Variants in CNTN6 observed in about 807,000 individuals in gnomAD.
CNTN6 encodes contactin-6.
Under a neutral mutation model 122.8 loss-of-function variants are expected in CNTN6, and 137 were observed. The ratio of observed to expected loss-of-function variants is 1.12; its 90% CI spans 0.97 to 1.29. The LOEUF (loss-of-function observed/expected upper bound fraction) is 1.29, where lower values mean the gene tolerates loss of function less well. Among genes scored for constraint, CNTN6 ranks in the 50% most tolerant of loss-of-function variants. CNTN6 has a pLI of 0.00. For synonymous variants in CNTN6, 570 were observed against 426.0 expected (o/e 1.34, Z -4.16); for missense variants, 1,634 against 1,223.4 (o/e 1.34, Z -5.01).
At chr3:1,216,943 A>G (rs568456636) in intron 2 of CNTN6, among the ~76,000 whole-genome samples, 3 of 152,240 alleles carry the variant, frequency 2.0e-5, no homozygotes, top group African/African-American at 7.2e-5. Flanking sequence ...CTGGGTTTCA[A>G]TTTCCTTCTC....
intron 4 of CNTN6, among the ~76,000 whole-genome samples, chr3:1,264,815 C>T (rs2094901605): frequency 6.6e-6 from 1 of 151,962 alleles, no homozygotes; most frequent in Non-Finnish European, 1.5e-5. Context: ...CTTTTTCTTC[C>T]TGTTTCACTG....
chr3:1,233,625 C>G (rs1470043113), intron 4 of CNTN6, among the ~76,000 whole-genome samples: 1 of 150,122 alleles, frequency 6.7e-6, no homozygotes, highest in Non-Finnish European at 1.5e-5. Flanking sequence ...ATCCCAGCTA[C>G]TCGGGAGGCT....
chr3:1,260,523 C>G (rs752083607), intron 4 of CNTN6, among the ~76,000 whole-genome samples: 1 of 152,070 alleles, frequency 6.6e-6, no homozygotes, highest in African/African-American at 2.4e-5. Flanking sequence ...TTCTTAATCA[C>G]TGGTGCTTTA....
chr3:1,267,408 A>T (rs2094943522), intron 4 of CNTN6, among the ~76,000 whole-genome samples: 1 of 151,998 alleles, frequency 6.6e-6, no homozygotes, highest in African/African-American at 2.4e-5. Context: ...GTGTATATTT[A>T]TGAAATGGGA....
chr3:1,342,274 C>T (rs751637523), intron 11 of CNTN6, among the ~76,000 whole-genome samples: 3 of 152,094 alleles, frequency 2.0e-5, no homozygotes, highest in African/African-American at 2.4e-5. Context: ...GGATTACAGG[C>T]GAGCGCCACC....
intron 7 of CNTN6, among the ~76,000 whole-genome samples, chr3:1,318,752 T>C (rs1292760760): frequency 6.6e-6 from 1 of 151,666 alleles, no homozygotes. Flanking sequence ...AGCCAGTCAT[T>C]TATTGGTTAA....
chr3:1,366,949 G>A (rs1463998473), intron 12 of CNTN6, among the ~76,000 whole-genome samples: 1 of 151,920 alleles, frequency 6.6e-6, no homozygotes, highest in Non-Finnish European at 1.5e-5. Flanking sequence ...TGCAGATAAT[G>A]GTATGTCATC....
At chr3:1,324,060 T>C (rs1227583167) in intron 8 of CNTN6, among the ~76,000 whole-genome samples, 4 of 149,768 alleles carry the variant, frequency 2.7e-5, no homozygotes, top group African/African-American at 1.0e-4. Flanking sequence ...ATTTTGTTAA[T>C]AATACCCAGA....
intron 2 of CNTN6, among the ~76,000 whole-genome samples, chr3:1,205,014 A>AG (rs2093939352): frequency 6.6e-6 from 1 of 152,160 alleles, no homozygotes; most frequent in African/African-American, 2.4e-5. Context: ...TTAGCTGGGG[A>AG]GGCCTTTGAA....
At chr3:1,393,513 T>A (rs1489441396) in intron 20 of CNTN6, among the ~76,000 whole-genome samples, 5 of 142,670 alleles carry the variant, frequency 3.5e-5, no homozygotes, top group Non-Finnish European at 7.5e-5. Context: ...CATATGTAAC[T>A]AACCTGCACG....
Position 1,372,467 on chromosome 3 carries a change from T to C in CNTN6, c.1661T>C (p.Ile554Thr), listed in dbSNP as rs757947966. Residue 554 changes from isoleucine to threonine, a missense_variant, in exon 13 of 23, where the codon ATT (isoleucine) becomes ACT (threonine). Coordinates refer to ENST00000446702, the MANE Select transcript of CNTN6 (RefSeq NM_001289080.2). ...AAAGGAGTGGCTCATTTTGAAAGGA[T>C]TGGAGGAGTAAGTTACTGAAATTGT... The part of the protein sequence containing the change: ...LKKGVAHFER[I>T]GGESVGDLMI... The C allele has an allele frequency of 2.7e-5, 43 of 1,605,076 alleles. No homozygotes were observed. The highest frequency in any genetic ancestry group is 1.0e-4 in the South Asian group (9 of 89,344).
At chr3:1,325,451 C>T (rs1701397469) in intron 8 of CNTN6, among the ~76,000 whole-genome samples, 1 of 151,728 alleles carries the variant, frequency 6.6e-6, no homozygotes, top group Admixed American at 6.6e-5. Context: ...AGATTTATTC[C>T]ACAGGTTCAG....
At chr3:1,383,508 T>C (rs1692263590) in intron 19 of CNTN6, 100 bp downstream of exon 19, 2 of 847,186 alleles carry the variant, frequency 2.4e-6, no homozygotes, top group Non-Finnish European at 3.9e-6. Flanking sequence ...TGTTAGCATA[T>C]GATAATGTGT....
chr3:1,313,922 T>G (rs1264628109), intron 7 of CNTN6, among the ~76,000 whole-genome samples: 1 of 151,984 alleles, frequency 6.6e-6, no homozygotes, highest in African/African-American at 2.4e-5. Flanking sequence ...CTCCCTCCGA[T>G]CTATTTTATA....
intron 2 of CNTN6, among the ~76,000 whole-genome samples, chr3:1,190,505 T>C (rs2093686413): frequency 6.6e-6 from 1 of 152,220 alleles, no homozygotes; most frequent in Admixed American, 6.5e-5. Flanking sequence ...CTAGGAAATA[T>C]ACATGGTTGA....
chr3:1,384,683 T>C (rs200155709), intron 19 of CNTN6, among the ~76,000 whole-genome samples: 2 of 70,840 alleles, frequency 2.8e-5, no homozygotes, highest in Admixed American at 1.3e-4. Context: ...TATATATATA[T>C]ATATACACAC....
At chr3:1,387,770 GTTCCCT>G (rs1481082533) in intron 20 of CNTN6, among the ~76,000 whole-genome samples, 1 of 152,170 alleles carries the variant, frequency 6.6e-6, no homozygotes, top group Non-Finnish European at 1.5e-5. Context: ...GGGTCAGGGA[GTTCCCT>G]TTCCAAGTCA....
intron 4 of CNTN6, among the ~76,000 whole-genome samples, chr3:1,247,260 G>A (rs1018045374): frequency 1.1e-4 from 16 of 152,188 alleles, no homozygotes; most frequent in African/African-American, 3.4e-4. Flanking sequence ...ATATATGAAA[G>A]ATGCAGTCCT....
At chr3:1,186,819 CTTT>C (rs1039342728) in intron 2 of CNTN6, among the ~76,000 whole-genome samples, 4 of 148,776 alleles carry the variant, frequency 2.7e-5, no homozygotes, top group Middle Eastern at 3.4e-3. Context: ...TTATTTTTTT[CTTT>C]TTTTAATAAA....
Sources: gnomAD v4.1 joint callset for allele counts (sites outside exome capture counted in the v4.1 genomes callset) on GRCh38, gnomAD v4.1.1 for gene constraint, MANE v1.5 for transcripts, NCBI Gene and HGNC (gene_info 2026-07-23, HGNC 2026-07-21) for gene names.